Variants in CSMD1 observed in about 807,000 individuals in gnomAD.
CSMD1 encodes CUB and Sushi multiple domains 1, also known as CUB and sushi domain-containing protein 1.
In CSMD1, 213 loss-of-function variants were observed where a neutral mutation model predicts 417.5. The ratio of observed to expected loss-of-function variants is 0.51; its 90% confidence interval spans 0.46 to 0.57. CSMD1 has a LOEUF of 0.57. CSMD1 is among the 20% of genes least tolerant of loss of function. The pLI, the probability that CSMD1 is intolerant of heterozygous loss-of-function variation, is 0.00. For synonymous variants in CSMD1, 2,862 were observed against 1,736.8 expected (o/e 1.65, Z -16.11); for missense variants, 6,923 against 4,529.7 (o/e 1.53, Z -15.17).
intron 3 of CSMD1, among the ~76,000 whole-genome samples, chr8:4,238,075 T>C (rs913328549): frequency 6.6e-6 from 1 of 152,214 alleles, no homozygotes; most frequent in East Asian, 1.9e-4. Flanking sequence ...CCTCAAGAGA[T>C]TGTAAACGTT....
intron 8 of CSMD1, among the ~76,000 whole-genome samples, chr8:3,592,605 C>G (rs867228637): frequency 6.6e-6 from 1 of 152,034 alleles, no homozygotes. Context: ...TTAAGAGGAA[C>G]AAAGCTGTGA....
chr8:3,088,327 G>A (rs1001167428), intron 48 of CSMD1, among the ~76,000 whole-genome samples: 1 of 152,174 alleles, frequency 6.6e-6, no homozygotes, highest in South Asian at 2.1e-4. Context: ...CACTTCAGAT[G>A]AATTTAAACA....
chr8:4,897,916 T>G (rs547729809), intron 1 of CSMD1, among the ~76,000 whole-genome samples: 1 of 152,138 alleles, frequency 6.6e-6, no homozygotes, highest in Non-Finnish European at 1.5e-5. Flanking sequence ...CTTTGTTAAG[T>G]GGGGACATTA....
At chr8:3,635,891 T>G (rs1797021599) in intron 7 of CSMD1, among the ~76,000 whole-genome samples, 1 of 152,044 alleles carries the variant, frequency 6.6e-6, no homozygotes, top group South Asian at 2.1e-4. Context: ...AATATTTTCT[T>G]CAGTAATAAA....
intron 3 of CSMD1, among the ~76,000 whole-genome samples, chr8:4,202,577 T>G (rs1240674644): frequency 1.3e-5 from 2 of 152,194 alleles, no homozygotes; most frequent in Non-Finnish European, 2.9e-5. Flanking sequence ...CCTGTATTCA[T>G]TCAAAAAAGG....
chr8:4,267,878 A>AT (rs1355947871), intron 3 of CSMD1, among the ~76,000 whole-genome samples: 1 of 152,036 alleles, frequency 6.6e-6, no homozygotes, highest in South Asian at 2.1e-4. Context: ...TTGTGATTAA[A>AT]TTTTTTTTAA....
rs572597692 is a variant in CSMD1 at position 4,042,846 on chromosome 8, G to A, written c.416-10747C>T. ...AAAAAAAAAAAAAAAAAAAAAAGCAGGCTGGGCACGGTGGCTCATGCCTAT... is the reference window on the plus strand; with the variant it reads ...AAAAAAAAAAAAAAAAAAAAAAGCAAGCTGGGCACGGTGGCTCATGCCTAT... On this transcript the variant is annotated intron_variant, in intron 3 of 69. Transcript: ENST00000635120. Among the ~76,000 whole-genome samples the A allele has an allele frequency of 1.3e-3, 74 of 56,944 alleles. 2 individuals carry two copies. The highest frequency in any genetic ancestry group is 4.5e-3 in the African/African-American group (73 of 16,280). The allele number at this position is 56,944 out of a possible 152,430, so 37.4% of individuals were successfully genotyped here.
intron 5 of CSMD1, among the ~76,000 whole-genome samples, chr8:3,942,671 AT>A (rs1184192437): frequency 6.6e-6 from 1 of 152,146 alleles, no homozygotes. Flanking sequence ...TTTATGATTT[AT>A]AGGTCCTTTT....
intron 38 of CSMD1, among the ~76,000 whole-genome samples, chr8:3,158,170 G>A (rs1208119768): frequency 6.6e-6 from 1 of 152,082 alleles, no homozygotes; most frequent in Admixed American, 6.5e-5. Context: ...TTTTCACCGT[G>A]TTTCTTTCTA....
At chr8:3,939,423 T>G (rs534470843) in intron 5 of CSMD1, among the ~76,000 whole-genome samples, 2 of 152,122 alleles carry the variant, frequency 1.3e-5, no homozygotes, top group Non-Finnish European at 2.9e-5. Context: ...GTGTATAAAC[T>G]ACTACAACTA....
intron 6 of CSMD1, among the ~76,000 whole-genome samples, chr8:3,725,165 C>G (rs764476593): frequency 4.6e-5 from 7 of 152,082 alleles, no homozygotes; most frequent in African/African-American, 1.7e-4. Context: ...AAGGAGGGAG[C>G]TGTGCCCTGA....
intron 2 of CSMD1, among the ~76,000 whole-genome samples, chr8:4,428,756 G>C (rs946335315): frequency 3.9e-5 from 6 of 152,096 alleles, no homozygotes; most frequent in Admixed American, 1.3e-4. Flanking sequence ...GTCTAGCTTT[G>C]TCGCCCAGGC....
chr8:3,945,045 G>A (rs982493499), intron 5 of CSMD1, among the ~76,000 whole-genome samples: 3 of 152,156 alleles, frequency 2.0e-5, no homozygotes, highest in African/African-American at 7.2e-5. Flanking sequence ...TCCAGAGAGA[G>A]CTCTATAATC....
At chr8:4,367,062 G>A (rs1355548544) in intron 3 of CSMD1, among the ~76,000 whole-genome samples, 1 of 152,048 alleles carries the variant, frequency 6.6e-6, no homozygotes, top group African/African-American at 2.4e-5. Flanking sequence ...GGTCCCACTT[G>A]TCAATTTTTA....
chr8:4,726,543 C>T (rs1424898724), intron 1 of CSMD1, among the ~76,000 whole-genome samples: 1 of 152,086 alleles, frequency 6.6e-6, no homozygotes, highest in East Asian at 1.9e-4. Context: ...GCAGTGCTAA[C>T]CAGAGGGACA....
At chr8:4,310,460 A>G (rs1409832463) in intron 3 of CSMD1, among the ~76,000 whole-genome samples, 1 of 152,222 alleles carries the variant, frequency 6.6e-6, no homozygotes, top group African/African-American at 2.4e-5. Flanking sequence ...AAGGATGAAC[A>G]GCATGCGTTA....
chr8:3,742,813 C>G (rs1266598916), intron 6 of CSMD1, among the ~76,000 whole-genome samples: 1 of 152,204 alleles, frequency 6.6e-6, no homozygotes, highest in Non-Finnish European at 1.5e-5. Context: ...ACAGAGAACT[C>G]CTCATATAAG....
intron 6 of CSMD1, among the ~76,000 whole-genome samples, chr8:3,709,003 T>C (rs1404036698): frequency 6.6e-6 from 1 of 152,188 alleles, no homozygotes; most frequent in Non-Finnish European, 1.5e-5. Flanking sequence ...CTACGTGCTG[T>C]AGATAAAGTG....
At chr8:3,239,682 C>T (rs7005306) in intron 26 of CSMD1, among the ~76,000 whole-genome samples, 14,268 of 152,198 alleles carry the variant, frequency 0.094, 828 homozygotes, top group Admixed American at 0.15. Flanking sequence ...TTCTAAGAGG[C>T]GGGCTAGTGG....
Sources: allele counts gnomAD v4.1 joint callset (sites outside exome capture counted in the v4.1 genomes callset), GRCh38; gene constraint gnomAD v4.1.1; transcripts MANE v1.5; gene names NCBI Gene and HGNC (gene_info 2026-07-23, HGNC 2026-07-21).